RYR3: variants seen among roughly 807,000 people sequenced by gnomAD.
RYR3 encodes the protein ryanodine receptor 3.
In RYR3, 207 loss-of-function variants were observed where a neutral mutation model predicts 584.3. The ratio of observed to expected loss-of-function variants is 0.35; its 90% confidence interval spans 0.32 to 0.40. The LOEUF is 0.40. Ranked by LOEUF, RYR3 falls within the 10% of genes least tolerant of loss-of-function variation. The pLI, the probability that RYR3 is intolerant of heterozygous loss-of-function variation, is 1.00. For synonymous variants in RYR3, 2,416 were observed against 2,248.5 expected, an observed-to-expected ratio of 1.07 and a Z score of -2.11; for missense variants, 5,616 against 6,089.2, an observed-to-expected ratio of 0.92 and a Z score of 2.59.
intron 36 of RYR3, among the ~76,000 whole-genome samples, chr15:33,668,266 G>A (rs1029333965): frequency 2.0e-5 from 3 of 151,016 alleles, no homozygotes; most frequent in Non-Finnish European, 4.4e-5. Context: ...GCAGTGAGCC[G>A]GGATTGTGCC....
intron 1 of RYR3, among the ~76,000 whole-genome samples, chr15:33,358,927 G>A (rs1185854035): frequency 6.6e-6 from 1 of 152,172 alleles, no homozygotes; most frequent in African/African-American, 2.4e-5. Flanking sequence ...AACATTCTAA[G>A]TACTTTTCTA....
At chr15:33,677,549 G>A (rs2064267876) in intron 38 of RYR3, among the ~76,000 whole-genome samples, 1 of 152,128 alleles carries the variant, frequency 6.6e-6, no homozygotes, top group South Asian at 2.1e-4. Context: ...TCAAAAACAG[G>A]CTAATTATCT....
chr15:33,608,395 AG>A (rs967080844), intron 18 of RYR3, among the ~76,000 whole-genome samples: 13 of 152,230 alleles, frequency 8.5e-5, no homozygotes, highest in African/African-American at 2.9e-4. Flanking sequence ...AAGCCCTCAC[AG>A]GGGTGGAGAT....
chr15:33,428,389 G>A (rs543778466), intron 1 of RYR3, among the ~76,000 whole-genome samples: 115 of 152,292 alleles, frequency 7.6e-4, no homozygotes, highest in African/African-American at 2.7e-3. Flanking sequence ...GTCATTGTGT[G>A]CAGGTAGATA....
chr15:33,424,461 T>G (rs1292771482), intron 1 of RYR3, among the ~76,000 whole-genome samples: 1 of 152,228 alleles, frequency 6.6e-6, no homozygotes, highest in Non-Finnish European at 1.5e-5. Flanking sequence ...AACTTCAAAC[T>G]GTTTGGTACT....
At chr15:33,772,679 G>T (rs2073669911) in intron 63 of RYR3, among the ~76,000 whole-genome samples, 1 of 152,202 alleles carries the variant, frequency 6.6e-6, no homozygotes, top group Non-Finnish European at 1.5e-5. Context: ...CCCCTGTGCA[G>T]ATAGTCTGCC....
In RYR3 at chr15:33,564,314, G is replaced by A. The variant is rs113963358; in HGVS notation, c.1146+1304G>A. 3.9e-3 allele frequency among the ~76,000 whole-genome samples: 594 copies of A among 152,238 alleles called. 4 individuals are homozygous for A. The highest frequency in any genetic ancestry group is 0.014 in the African/African-American group (563 of 41,534). ...GGGTGTGAAGCCAAAATAGTAAAGC[G>A]AAACTGCTGTGATAATGAAGAGCAA... is the stretch of plus-strand genomic sequence containing the variant. On this transcript the variant is annotated intron_variant, in intron 11 of 103. Coordinates refer to ENST00000634891, the MANE Select transcript of RYR3 (RefSeq NM_001036.6).
chr15:33,544,602 A>G (rs956283690), intron 8 of RYR3, among the ~76,000 whole-genome samples: 1 of 152,316 alleles, frequency 6.6e-6, no homozygotes, highest in East Asian at 1.9e-4. Flanking sequence ...ACTCTCCATC[A>G]GGGACCATTT....
At chr15:33,633,215 A>G in intron 24 of RYR3, 107 bp downstream of exon 24, 1 of 1,121,106 alleles carries the variant, frequency 8.9e-7, no homozygotes, top group Non-Finnish European at 1.3e-6. Context: ...TTGCCTTTGC[A>G]CTCTATCCCT....
intron 46 of RYR3, among the ~76,000 whole-genome samples, chr15:33,727,629 G>A (rs1167800850): frequency 5.3e-5 from 8 of 152,308 alleles, no homozygotes; most frequent in East Asian, 1.9e-4. Context: ...AGGAGAGGCC[G>A]CAGCCTGCAG....
intron 1 of RYR3, among the ~76,000 whole-genome samples, chr15:33,439,015 ACTTG>A (rs1260272513): frequency 6.6e-6 from 1 of 152,166 alleles, no homozygotes. Context: ...AGTATTAGTA[ACTTG>A]AAGTTCAAAA....
At chr15:33,644,641 C>T (rs1256614134) in intron 28 of RYR3, 122 bp downstream of exon 28, 10 of 689,990 alleles carry the variant, frequency 1.4e-5, no homozygotes, top group African/African-American at 3.6e-5. Flanking sequence ...ACTTACCAGC[C>T]ACCTCCCCTC....
chr15:33,625,829 A>G (rs1049142667), intron 20 of RYR3, among the ~76,000 whole-genome samples: 11 of 152,218 alleles, frequency 7.2e-5, no homozygotes, highest in East Asian at 3.8e-4. Context: ...GTAGAAGTCA[A>G]TCTCCCCTGG....
At chr15:33,596,499 G>GC (rs1555547375) in intron 16 of RYR3, among the ~76,000 whole-genome samples, 10 of 147,144 alleles carry the variant, frequency 6.8e-5, no homozygotes, top group African/African-American at 2.5e-4. Flanking sequence ...TTTTTTTGGG[G>GC]GGGGGGGATT....
intron 16 of RYR3, among the ~76,000 whole-genome samples, chr15:33,598,702 A>G (rs1422289662): frequency 6.6e-6 from 1 of 151,896 alleles, no homozygotes; most frequent in Non-Finnish European, 1.5e-5. Context: ...CCTGCCTTCC[A>G]TCATCATGGA....
intron 2 of RYR3, among the ~76,000 whole-genome samples, chr15:33,497,076 G>T (rs1176584339): frequency 6.6e-6 from 1 of 152,126 alleles, no homozygotes; most frequent in African/African-American, 2.4e-5. Context: ...GGTTAATTGG[G>T]CTGACTCTGG....
At chr15:33,755,245 A>G (rs1381921806) in intron 58 of RYR3, 65 bp downstream of exon 58, 3 of 972,806 alleles carry the variant, frequency 3.1e-6, no homozygotes, top group African/African-American at 3.2e-5. Flanking sequence ...TAATCCTTTC[A>G]GACTGTAACT....
At chr15:33,370,495 G>A (rs2040252350) in intron 1 of RYR3, among the ~76,000 whole-genome samples, 1 of 152,172 alleles carries the variant, frequency 6.6e-6, no homozygotes, top group Non-Finnish European at 1.5e-5. Flanking sequence ...GGACACAGCT[G>A]GCCATAAAGA....
chr15:33,505,751 C>G (rs183888022), intron 3 of RYR3, among the ~76,000 whole-genome samples: 59 of 152,302 alleles, frequency 3.9e-4, no homozygotes, highest in Admixed American at 3.5e-3. Context: ...CTTGGCCTTC[C>G]AAAGTGCTGG....
Sources: gnomAD v4.1 joint callset for allele counts (sites outside exome capture counted in the v4.1 genomes callset) on GRCh38, gnomAD v4.1.1 for gene constraint, MANE v1.5 for transcripts, NCBI Gene and HGNC (gene_info 2026-07-23, HGNC 2026-07-21) for gene names.